The following ZDHHC15 variants were observed in gnomAD, a reference collection of about 807,000 sequenced individuals.
ZDHHC15 encodes zDHHC palmitoyltransferase 15.
In ZDHHC15, 19 loss-of-function variants were observed where a neutral mutation model predicts 31.7. That is an observed-to-expected ratio of 0.60 (90% confidence interval 0.42 to 0.88). ZDHHC15 has a LOEUF of 0.88. Ranked by LOEUF, ZDHHC15 falls within the 40% of genes least tolerant of loss-of-function variation. ZDHHC15 has a pLI of 0.00. For missense variants in ZDHHC15, 209 were observed against 251.2 expected, an observed-to-expected ratio of 0.83 and a Z score of 1.14; for synonymous variants, 103 against 90.0, an observed-to-expected ratio of 1.14 and a Z score of -0.82.
rs1489989033 is a variant in ZDHHC15, at chrX:75,446,518, T to A, written c.379+4284A>T. On this transcript the variant is annotated intron_variant, in intron 4 of 11. Coordinates refer to ENST00000373367, the MANE Select transcript of ZDHHC15 (RefSeq NM_144969.3). ...GAAAAGAAGTGTGTGGAAAGACTTC[T>A]CTGAATGGAAAAAAAGTGTGAAGAT... 1.4e-4 allele frequency among the ~76,000 whole-genome samples: 16 copies of A among 112,350 alleles called. No individual in the cohort carries two copies. In the Admixed American group the frequency reaches 1.5e-3, roughly 11 times the overall value.
At chrX:75,405,208 C>A (rs1225504834) in intron 10 of ZDHHC15, among the ~76,000 whole-genome samples, 1 of 110,900 alleles carries the variant, frequency 9.0e-6, no homozygotes, top group Non-Finnish European at 1.9e-5. Flanking sequence ...AAGGAAAAAA[C>A]AGACACTGGT....
chrX:75,490,196 C>T (rs1235428985), intron 2 of ZDHHC15, among the ~76,000 whole-genome samples: 1 of 111,636 alleles, frequency 9.0e-6, no homozygotes, highest in Admixed American at 9.5e-5. Context: ...ACTTCCCCAA[C>T]CTAGCAAGGC....
intron 4 of ZDHHC15, among the ~76,000 whole-genome samples, chrX:75,436,913 G>A (rs191150972): frequency 1.2e-4 from 13 of 111,977 alleles, no homozygotes; most frequent in Admixed American, 5.6e-4. Flanking sequence ...ACGGAGTCTC[G>A]CTCTGTCGCC....
At chrX:75,515,815 G>C (rs2085347063) in intron 1 of ZDHHC15, among the ~76,000 whole-genome samples, 2 of 111,775 alleles carry the variant, frequency 1.8e-5, no homozygotes. Context: ...CAGATGATAT[G>C]ATTGTATATT....
intron 10 of ZDHHC15, among the ~76,000 whole-genome samples, chrX:75,388,118 G>C (rs1179588796): frequency 8.9e-6 from 1 of 112,095 alleles, no homozygotes; most frequent in Non-Finnish European, 1.9e-5. Context: ...ATAAAGCAGA[G>C]ATAAAGTCTT....
chrX:75,461,265 C>G (rs1326373986), intron 3 of ZDHHC15, among the ~76,000 whole-genome samples: 2 of 111,629 alleles, frequency 1.8e-5, no homozygotes, highest in African/African-American at 6.5e-5. Context: ...TGAATAAAAT[C>G]TGAGAAATAT....
intron 1 of ZDHHC15, among the ~76,000 whole-genome samples, chrX:75,508,237 G>C (rs1190142112): frequency 5.6e-5 from 6 of 107,007 alleles, no homozygotes; most frequent in Non-Finnish European, 1.2e-4. Flanking sequence ...TGTTGGTATG[G>C]TGCACCCATT....
At chrX:75,380,603 T>C (rs1211486191) in intron 10 of ZDHHC15, among the ~76,000 whole-genome samples, 1 of 111,165 alleles carries the variant, frequency 9.0e-6, no homozygotes, top group Non-Finnish European at 1.9e-5. Context: ...CAGGATAAGA[T>C]TAAGCTAAGG....
At chrX:75,412,849 T>G (rs759838427) in intron 10 of ZDHHC15, among the ~76,000 whole-genome samples, 1 of 112,074 alleles carries the variant, frequency 8.9e-6, no homozygotes, top group African/African-American at 3.2e-5. Context: ...ATGATCTCTC[T>G]TATGTGTGGA....
intron 3 of ZDHHC15, among the ~76,000 whole-genome samples, chrX:75,470,626 C>T (rs6647746): frequency 2.7e-5 from 3 of 110,997 alleles, no homozygotes; most frequent in Non-Finnish European, 3.8e-5. Flanking sequence ...TCATTACGGT[C>T]CTCCAGTTAA....
chrX:75,428,500 G>A (rs1239811102), intron 7 of ZDHHC15, among the ~76,000 whole-genome samples: 1 of 111,107 alleles, frequency 9.0e-6, no homozygotes, highest in Non-Finnish European at 1.9e-5. Flanking sequence ...AGTGAAGCAG[G>A]TAAGAGATCC....
chrX:75,490,059 G>A (rs1393457915), intron 2 of ZDHHC15, among the ~76,000 whole-genome samples: 1 of 111,323 alleles, frequency 9.0e-6, no homozygotes, highest in Non-Finnish European at 1.9e-5. Flanking sequence ...TAAAAGAAAC[G>A]AACAAAGCCT....
At chrX:75,474,904 C>G (rs1331063238) in intron 3 of ZDHHC15, among the ~76,000 whole-genome samples, 1 of 108,597 alleles carries the variant, frequency 9.2e-6, no homozygotes, top group African/African-American at 3.3e-5. Context: ...AAAAAAAATA[C>G]AAAAAATTAG....
At chrX:75,470,824 G>C (rs1431348270) in intron 3 of ZDHHC15, among the ~76,000 whole-genome samples, 1 of 111,431 alleles carries the variant, frequency 9.0e-6, no homozygotes, top group Non-Finnish European at 1.9e-5. Flanking sequence ...GATAGGGTGA[G>C]GGTTATTATG....
At position 75,483,956 on chromosome X, in the gene ZDHHC15, A is replaced by C. The variant is rs180938503; in HGVS notation, c.164-4971T>G. ...CTACCAATCACAACGTGGTTCCCTC[A>C]GAATGTATTACCTTTTGTTGATGCA... is the stretch of plus-strand genomic sequence containing the variant. On this transcript the variant is annotated intron_variant, in intron 2 of 11. Coordinates refer to ENST00000373367, the MANE Select transcript of ZDHHC15 (RefSeq NM_144969.3). 4.5e-5 allele frequency among the ~76,000 whole-genome samples: 5 copies of C among 111,679 alleles called. No individual in the cohort carries two copies. The East Asian group carries it at 1.4e-3, about 31-fold the overall frequency.
At chrX:75,433,101 G>A (rs1208631307) in intron 4 of ZDHHC15, among the ~76,000 whole-genome samples, 1 of 111,647 alleles carries the variant, frequency 9.0e-6, no homozygotes, top group Non-Finnish European at 1.9e-5. Context: ...GTATCATCTA[G>A]CCTCTGCCTA....
intron 3 of ZDHHC15, among the ~76,000 whole-genome samples, chrX:75,473,025 C>G (rs1020949020): frequency 4.5e-5 from 5 of 112,013 alleles, no homozygotes; most frequent in African/African-American, 1.6e-4. Flanking sequence ...ATGCTTCTGT[C>G]AATACAATAC....
At chrX:75,455,572 G>A (rs1409777491) in intron 3 of ZDHHC15, among the ~76,000 whole-genome samples, 1 of 111,781 alleles carries the variant, frequency 8.9e-6, no homozygotes, top group Non-Finnish European at 1.9e-5. Context: ...CCATCAGAGT[G>A]AACAGGCAAC....
chrX:75,433,267 A>T (rs1287133631), intron 4 of ZDHHC15, among the ~76,000 whole-genome samples: 1 of 77,069 alleles, frequency 1.3e-5, no homozygotes, highest in Non-Finnish European at 2.7e-5. Context: ...TCCTTTTGGT[A>T]TGATGGTTAA....
Sources: gnomAD v4.1 joint callset for allele counts (sites outside exome capture counted in the v4.1 genomes callset) on GRCh38, gnomAD v4.1.1 for gene constraint, MANE v1.5 for transcripts, NCBI Gene and HGNC (gene_info 2026-07-23, HGNC 2026-07-21) for gene names.